VWA3B: variants seen among roughly 807,000 people sequenced by gnomAD.
VWA3B encodes the protein von Willebrand factor A domain containing 3B.
VWA3B carries 138 observed loss-of-function variants against 158.3 expected under a neutral mutation model. The ratio of observed to expected loss-of-function variants is 0.87; its 90% CI spans 0.76 to 1.00. The LOEUF (loss-of-function observed/expected upper bound fraction) is 1.00. Among genes scored for constraint, VWA3B ranks in the 50% least tolerant of loss-of-function variants. VWA3B has a pLI of 0.00. For missense variants in VWA3B, 1,555 were observed against 1,565.1 expected (o/e 0.99, Z 0.11); for synonymous variants, 596 against 587.3 (o/e 1.01, Z -0.21).
intron 1 of VWA3B, among the ~76,000 whole-genome samples, chr2:98,090,891 G>A (rs544625931): frequency 1.6e-3 from 234 of 150,952 alleles, no homozygotes; most frequent in African/African-American, 5.4e-3. Context: ...GAGTAGCTGG[G>A]ACTACAGGCA....
intron 22 of VWA3B, among the ~76,000 whole-genome samples, chr2:98,281,807 A>G (rs1291328256): frequency 6.6e-6 from 1 of 152,100 alleles, no homozygotes; most frequent in Non-Finnish European, 1.5e-5. Context: ...CAAATTACTT[A>G]GCACACAGCA....
intron 2 of VWA3B, among the ~76,000 whole-genome samples, chr2:98,108,083 G>T (rs1258514476): frequency 6.6e-6 from 1 of 151,934 alleles, no homozygotes; most frequent in Non-Finnish European, 1.5e-5. Context: ...TTAATTAAAA[G>T]TCTTTTATTT....
In VWA3B at chr2:98,198,305, C is replaced by T. The variant is rs564966479; in HGVS notation, c.1737+3813C>T. 2.0e-5 allele frequency among the ~76,000 whole-genome samples: 3 copies of T among 152,242 alleles called. No individual in the cohort carries two copies. In the East Asian group the frequency reaches 5.8e-4, roughly 29 times the overall value. On this transcript the variant is annotated intron_variant, in intron 12 of 27. Transcript: ENST00000477737. The stretch of plus-strand genomic sequence containing the variant: ...AGTTTCGATATTGCTAGTTCATACT[C>T]TACAAGAAACAAATTTATCAGCTAT...
At chr2:98,166,179 A>G (rs575307459) in intron 8 of VWA3B, among the ~76,000 whole-genome samples, 20 of 152,274 alleles carry the variant, frequency 1.3e-4, no homozygotes, top group Admixed American at 5.2e-4. Context: ...TCTACCAAAA[A>G]TACAAAAATT....
chr2:98,286,994 T>C (rs1256350121), intron 22 of VWA3B, among the ~76,000 whole-genome samples: 1 of 152,078 alleles, frequency 6.6e-6, no homozygotes, highest in Non-Finnish European at 1.5e-5. Context: ...CTTCTCAAAA[T>C]CACAATGCCA....
chr2:98,316,992 T>C (rs1281490047), downstream of VWA3B, among the ~76,000 whole-genome samples: 4 of 152,200 alleles, frequency 2.6e-5, no homozygotes, highest in Non-Finnish European at 5.9e-5. Context: ...ACCCAGTCTC[T>C]AGTATTTCTT....
chr2:98,118,332 G>A (rs561874083), intron 3 of VWA3B, among the ~76,000 whole-genome samples: 1 of 152,228 alleles, frequency 6.6e-6, no homozygotes, highest in African/African-American at 2.4e-5. Flanking sequence ...GAATGAGGTT[G>A]ACAGACACAT....
At chr2:98,244,897 T>G (rs1686293631) in intron 19 of VWA3B, among the ~76,000 whole-genome samples, 1 of 151,654 alleles carries the variant, frequency 6.6e-6, no homozygotes, top group Non-Finnish European at 1.5e-5. Context: ...GTGGGGAGAA[T>G]TCTAACAGAA....
intron 21 of VWA3B, among the ~76,000 whole-genome samples, chr2:98,257,251 A>C (rs1277478139): frequency 7.2e-5 from 11 of 152,088 alleles, no homozygotes; most frequent in Non-Finnish European, 2.9e-5. Context: ...CATGACCTCC[A>C]AATGATATTA....
intron 11 of VWA3B, among the ~76,000 whole-genome samples, chr2:98,193,393 C>T (rs911302074): frequency 1.3e-5 from 2 of 152,070 alleles, no homozygotes; most frequent in African/African-American, 4.8e-5. Context: ...GCATGGGAGG[C>T]GTGCAGGCTG....
Position 98,121,315 on chromosome 2 carries a change from G to A in VWA3B, c.559G>A (p.Val187Met). The A allele has an allele frequency of 6.2e-7, 1 of 1,613,844 alleles. No individual in the cohort carries two copies. Among genetic ancestry groups the A allele is most frequent in the East Asian group, 2.2e-5 (1 of 44,878 alleles). Residue 187 changes from valine (V) to methionine (M), a missense_variant, in exon 5 of 28, where the codon GTG (valine) becomes ATG (methionine). Coordinates refer to ENST00000477737, the MANE Select transcript of VWA3B (RefSeq NM_144992.5). The part of the protein sequence containing the change: ...FNIIRVSQEP[V>M]KWQENATPVT... ...CCTTTTCAGGGTTTCTCAAGAGCCT[G>A]TGAAGTGGCAGGAAAATGCTACTCC...
Position 98,282,577 on chromosome 2 carries a change from C to G in VWA3B, c.3046-7934C>G, listed in dbSNP as rs1688947419. 2.0e-5 allele frequency among the ~76,000 whole-genome samples: 3 copies of G among 151,540 alleles called. No individual in the cohort carries two copies. In the South Asian group the frequency reaches 6.3e-4, roughly 32 times the overall value. ...CTCGCCTCCTGAGTAGCTGGGATTA[C>G]AGGCGCACGGCACCACACCCAGCTA... On this transcript the variant is annotated intron_variant, in intron 22 of 27. Coordinates refer to ENST00000477737, the MANE Select transcript of VWA3B (RefSeq NM_144992.5).
intron 2 of VWA3B, among the ~76,000 whole-genome samples, chr2:98,109,217 C>G (rs1466363598): frequency 2.0e-5 from 3 of 152,098 alleles, no homozygotes; most frequent in Non-Finnish European, 4.4e-5. Context: ...GTCTTGAACT[C>G]CTGACCTCGG....
chr2:98,247,799 A>C (rs1364778889), intron 19 of VWA3B, among the ~76,000 whole-genome samples: 1 of 151,966 alleles, frequency 6.6e-6, no homozygotes, highest in East Asian at 1.9e-4. Context: ...CTGAGGACTT[A>C]TTTCTTTCAT....
intron 19 of VWA3B, among the ~76,000 whole-genome samples, chr2:98,238,361 C>G (rs974372207): frequency 2.0e-5 from 3 of 152,178 alleles, no homozygotes; most frequent in Non-Finnish European, 2.9e-5. Context: ...TTGACTTCTT[C>G]TAGAAGCAAC....
chr2:98,155,113 C>A lies in VWA3B; in HGVS notation c.989-7738C>A, dbSNP rs538711431. 1.1e-3 allele frequency among the ~76,000 whole-genome samples: 161 copies of A among 152,300 alleles called. 3 individuals are homozygous for A. The highest frequency in any genetic ancestry group is 1.8e-3 in the Non-Finnish European group (120 of 68,030). ...CAGCAAGAGCTCTCAGCCTTGATAA[C>A]CTGGTGGGCCATCCCCGTGGGTGAC... On this transcript the variant is annotated intron_variant, in intron 7 of 27. Transcript: ENST00000477737.
At chr2:98,243,725 A>G (rs1018373267) in intron 19 of VWA3B, among the ~76,000 whole-genome samples, 4 of 152,124 alleles carry the variant, frequency 2.6e-5, no homozygotes, top group Admixed American at 2.0e-4. Flanking sequence ...ATTTTGTTCT[A>G]TGGAGCCTGC....
chr2:98,318,761 A>C, the VWA3B span, among the ~76,000 whole-genome samples: 2 of 152,226 alleles, frequency 1.3e-5, no homozygotes, highest in African/African-American at 4.8e-5. Context: ...ATCACAAGGA[A>C]AGGCAAATGG....
intron 13 of VWA3B, among the ~76,000 whole-genome samples, chr2:98,214,740 C>G (rs748625232): frequency 6.6e-6 from 1 of 152,092 alleles, no homozygotes; most frequent in Non-Finnish European, 1.5e-5. Context: ...CATGGCTATC[C>G]CATCACTTAT....
Sources: gnomAD v4.1 joint callset for allele counts (sites outside exome capture counted in the v4.1 genomes callset) on GRCh38, gnomAD v4.1.1 for gene constraint, MANE v1.5 for transcripts, NCBI Gene and HGNC (gene_info 2026-07-23, HGNC 2026-07-21) for gene names.